Variants in FAM167A observed in about 807,000 individuals in gnomAD.
FAM167A encodes the protein protein FAM167A.
In FAM167A, 23 loss-of-function variants were observed where a neutral mutation model predicts 14.9. The ratio of observed to expected loss-of-function variants is 1.55; its 90% confidence interval spans 1.11 to 2.19. FAM167A has a LOEUF of 2.19. FAM167A is among the 30% of genes most tolerant of loss of function. FAM167A has a pLI of 0.00. For synonymous variants in FAM167A, 174 were observed against 117.7 expected, an observed-to-expected ratio of 1.48 and a Z score of -3.10; for missense variants, 401 against 281.5, an observed-to-expected ratio of 1.42 and a Z score of -3.04.
rs1807996286 is a variant in FAM167A, at chr8:11,472,621, G to A, written c.-398+3245C>T. Among the ~76,000 whole-genome samples, 6 of 152,162 alleles carry A rather than the reference G, an allele frequency of 3.9e-5. No individual in the cohort carries two copies. The South Asian group carries it at 1.2e-3, about 32-fold the overall frequency. On this transcript the variant is annotated intron_variant, in intron 1 of 1. Coordinates refer to the FAM167A transcript ENST00000648766. ...AGAAGACCGGAAACCCTGATGGGCA[G>A]GGGAGAGCCTTCTAGACGTGATTCT...
chr8:11,433,821 T>G (rs1470866740), intron 2 of FAM167A: 1 of 152,208 alleles, frequency 6.6e-6, no homozygotes, highest in African/African-American at 2.4e-5. Context: ...CCAGAACATG[T>G]TCCACTGTCC....
intron 2 of FAM167A, among the ~76,000 whole-genome samples, chr8:11,431,805 C>A (rs911609219): frequency 6.8e-6 from 1 of 146,316 alleles, no homozygotes; most frequent in African/African-American, 2.6e-5. Flanking sequence ...GCTGATGAGA[C>A]CCTGAAGAGT....
chr8:11,424,685 C>T, intron 2 of FAM167A, 49 bp from the exon 3 acceptor site: 1 of 1,600,640 alleles, frequency 6.2e-7, no homozygotes, highest in South Asian at 1.1e-5. Flanking sequence ...GGCTCGAGTC[C>T]CTGACAGGCA....
At chr8:11,468,123 T>C (rs986602264), upstream of FAM167A, among the ~76,000 whole-genome samples, 15 of 152,158 alleles carry the variant, frequency 9.9e-5, no homozygotes, top group Non-Finnish European at 1.6e-4. Context: ...TTACCCTCTC[T>C]CAGCGCCTCC....
At chr8:11,469,672 G>A (rs542546499), upstream of FAM167A, among the ~76,000 whole-genome samples, 1 of 151,934 alleles carries the variant, frequency 6.6e-6, no homozygotes, top group Admixed American at 6.5e-5. Context: ...TTGGAGACCA[G>A]CCTGGGCAAC....
chr8:11,446,250 C>T (rs1180808703), intron 1 of FAM167A, among the ~76,000 whole-genome samples: 1 of 152,204 alleles, frequency 6.6e-6, no homozygotes, highest in African/African-American at 2.4e-5. Context: ...ACGTTTTCCT[C>T]AGCCCCAGCC....
At chr8:11,474,035 G>A (rs998027091) in intron 1 of FAM167A, among the ~76,000 whole-genome samples, 9 of 152,116 alleles carry the variant, frequency 5.9e-5, no homozygotes, top group African/African-American at 1.2e-4. Context: ...CACCATGCCC[G>A]GCTAATTTTT....
chr8:11,470,488 T>C (rs1432156380), upstream of FAM167A, among the ~76,000 whole-genome samples: 1 of 152,180 alleles, frequency 6.6e-6, no homozygotes, highest in Non-Finnish European at 1.5e-5. Flanking sequence ...GGCAGAGCCC[T>C]TGGGCCTGGC....
upstream of FAM167A, among the ~76,000 whole-genome samples, chr8:11,471,438 G>C (rs1183504237): frequency 6.6e-6 from 1 of 152,144 alleles, no homozygotes; most frequent in Non-Finnish European, 1.5e-5. Flanking sequence ...CTGGCTCAAG[G>C]TGATGAGGCC....
chr8:11,431,837 T>A (rs1026042632), intron 2 of FAM167A, among the ~76,000 whole-genome samples: 1 of 131,916 alleles, frequency 7.6e-6, no homozygotes, highest in African/African-American at 2.9e-5. Flanking sequence ...TAGAAGGGCC[T>A]CTCTGGGGGG....
intron 2 of FAM167A, among the ~76,000 whole-genome samples, chr8:11,429,908 G>A (rs965295020): frequency 1.3e-5 from 2 of 152,206 alleles, no homozygotes; most frequent in African/African-American, 4.8e-5. Flanking sequence ...ACAACAAATA[G>A]CATGGCAGAA....
rs2116951913 is a variant in FAM167A, at chr8:11,421,772, A to G, written c.*2601T>C. The G allele has an allele frequency of 2.5e-6, 1 of 399,028 alleles. No individual in the cohort carries two copies. The highest frequency in any genetic ancestry group is 2.1e-5 in the African/African-American group (1 of 48,752). The allele number at this position is 399,028 out of a possible 1,614,324, so 24.7% of individuals were successfully genotyped here. ...ACACCCAGCGATGCTTGGGGATGGC[A>G]GAGAGATGGATGGATAATGAGTACA... On this transcript the variant is annotated 3_prime_UTR_variant, in exon 3 of 3. Coordinates refer to ENST00000284486, the MANE Select transcript of FAM167A (RefSeq NM_053279.3).
chr8:11,423,580 G>C lies in FAM167A; in HGVS notation c.*793C>G, dbSNP rs1361666083. ...TGGAAAATGCTTTCAGGACCTGCCT[G>C]GTTCAGTCACCAGTGGTCTCCCAGG... On this transcript the variant is annotated 3_prime_UTR_variant, in exon 3 of 3. Transcript: ENST00000284486. 1 of 152,258 alleles carries C rather than the reference G, an allele frequency of 6.6e-6. No homozygotes were observed. The highest frequency in any genetic ancestry group is 1.5e-5 in the Non-Finnish European group (1 of 68,106). The allele number at this position is 152,258 out of a possible 1,614,324, so 9.4% of individuals were successfully genotyped here. A position where few individuals can be genotyped will look rare whatever the true frequency, so the allele number is the denominator to read the frequency against.
Position 11,444,219 on chromosome 8 carries a change from C to A in FAM167A, c.193G>T (p.Ala65Ser). ...EHTWPFPRPA[A>S]EPQASLEEGE... ...TCCTCCAAGCTCGCCTGTGGCTCCG[C>A]AGCCGGCCTCGGGAAGGGCCAGGTA... is the stretch of plus-strand genomic sequence containing the variant. Residue 65 changes from alanine (A) to serine (S), a missense_variant, in exon 2 of 3, where the codon GCG (alanine) becomes TCG (serine). Ala to Ser is a moderately conservative substitution (Grantham distance 99). Coordinates refer to ENST00000284486, the MANE Select transcript of FAM167A (RefSeq NM_053279.3). 6.2e-7 allele frequency: 1 copy of A among 1,612,424 alleles called. No individual in the cohort carries two copies. The highest frequency in any genetic ancestry group is 8.5e-7 in the Non-Finnish European group (1 of 1,179,806).
At chr8:11,425,669 C>CG (rs1554522606) in intron 2 of FAM167A, among the ~76,000 whole-genome samples, 1 of 95,492 alleles carries the variant, frequency 1.0e-5, no homozygotes, top group Non-Finnish European at 2.4e-5. Flanking sequence ...CTTTGTTATA[C>CG]CCCCCCTTGC....
intron 2 of FAM167A, among the ~76,000 whole-genome samples, chr8:11,434,626 G>C (rs977209722): frequency 2.0e-5 from 3 of 152,180 alleles, no homozygotes; most frequent in East Asian, 3.9e-4. Flanking sequence ...AACTTGGAAG[G>C]TGTGGGCCAA....
intron 1 of FAM167A, among the ~76,000 whole-genome samples, chr8:11,457,033 G>C (rs1462100497): frequency 8.0e-6 from 1 of 124,860 alleles, no homozygotes; most frequent in Non-Finnish European, 1.7e-5. Context: ...TAGGGGTATG[G>C]GCGGGGCTGG....
chr8:11,465,275 G>A (rs1429830301), intron 1 of FAM167A, among the ~76,000 whole-genome samples: 2 of 152,166 alleles, frequency 1.3e-5, no homozygotes, highest in Non-Finnish European at 2.9e-5. Context: ...CTGGGCCTTA[G>A]ATGCCTCAGA....
At chr8:11,438,924 C>T (rs1007035317) in intron 2 of FAM167A, among the ~76,000 whole-genome samples, 4 of 152,236 alleles carry the variant, frequency 2.6e-5, no homozygotes, top group Non-Finnish European at 4.4e-5. Flanking sequence ...TACAGCTGCC[C>T]TGTCCCTGGA....
Sources: allele counts gnomAD v4.1 joint callset (sites outside exome capture counted in the v4.1 genomes callset), GRCh38; gene constraint gnomAD v4.1.1; transcripts MANE v1.5; gene names NCBI Gene and HGNC (gene_info 2026-07-23, HGNC 2026-07-21).